The following SLIT3 variants were observed in gnomAD, a reference collection of about 807,000 sequenced individuals.
SLIT3 encodes slit homolog 3 protein.
Under a neutral mutation model 184.0 loss-of-function variants are expected in SLIT3, and 68 were observed. The ratio of observed to expected loss-of-function variants is 0.37; its 90% CI spans 0.30 to 0.45. The LOEUF (loss-of-function observed/expected upper bound fraction) is 0.45. Among genes scored for constraint, SLIT3 ranks in the 20% least tolerant of loss-of-function variants. SLIT3 has a pLI of 1.00. For synonymous variants in SLIT3, 831 were observed against 828.6 expected (o/e 1.00, Z -0.05); for missense variants, 1,707 against 2,026.0 (o/e 0.84, Z 3.02).
intron 5 of SLIT3, among the ~76,000 whole-genome samples, chr5:168,852,886 T>C (rs1274118926): frequency 6.6e-6 from 1 of 152,244 alleles, no homozygotes; most frequent in Non-Finnish European, 1.5e-5. Context: ...GTGTGTGCAC[T>C]CTGAAAATGT....
At chr5:169,250,208 C>T (rs946589150) in intron 2 of SLIT3, among the ~76,000 whole-genome samples, 6 of 152,148 alleles carry the variant, frequency 3.9e-5, no homozygotes, top group African/African-American at 1.4e-4. Context: ...TAATGCCCCA[C>T]CTTTTTGTTA....
chr5:169,131,516 C>G (rs974921616), intron 4 of SLIT3, among the ~76,000 whole-genome samples: 1 of 152,184 alleles, frequency 6.6e-6, no homozygotes, highest in Admixed American at 6.5e-5. Context: ...CCCTAAGTCC[C>G]TTTTATCTCT....
intron 4 of SLIT3, among the ~76,000 whole-genome samples, chr5:169,093,174 G>C (rs1005720768): frequency 1.3e-5 from 2 of 152,134 alleles, no homozygotes; most frequent in East Asian, 3.8e-4. Context: ...GATCTGGTGA[G>C]GTAAGTATTA....
chr5:169,216,298 G>A lies in SLIT3; in HGVS notation c.342-22748C>T, dbSNP rs908728626. On this transcript the variant is annotated intron_variant, in intron 3 of 35. Transcript: ENST00000519560. The stretch of plus-strand genomic sequence containing the variant: ...TCTCCAGGTCTGACACTGCTTTCCT[G>A]TGTCCAATGGATTCATCTCTGCTCT... Among the ~76,000 whole-genome samples the A allele has an allele frequency of 5.3e-5, 8 of 152,152 alleles. 1 individual carries two copies. Among genetic ancestry groups the A allele is most frequent in the African/African-American group, 1.9e-4 (8 of 41,442 alleles).
At chr5:168,776,450 A>G (rs17733068) in intron 12 of SLIT3, among the ~76,000 whole-genome samples, 31,137 of 152,158 alleles carry the variant, frequency 0.2, 3,538 homozygotes, top group East Asian at 0.38. Flanking sequence ...TTATTCTCAC[A>G]GGAACCTGGG....
chr5:168,891,676 G>A (rs1047274005), intron 4 of SLIT3, among the ~76,000 whole-genome samples: 1 of 152,192 alleles, frequency 6.6e-6, no homozygotes, highest in Non-Finnish European at 1.5e-5. Context: ...TCCCAGGGGA[G>A]CATTCTGACC....
At chr5:168,734,890 C>T (rs566473588) in intron 20 of SLIT3, among the ~76,000 whole-genome samples, 2 of 152,302 alleles carry the variant, frequency 1.3e-5, no homozygotes, top group African/African-American at 4.8e-5. Flanking sequence ...CATGATGGAG[C>T]CAAGCACAAG....
chr5:169,005,630 T>C (rs1755892674), intron 4 of SLIT3, among the ~76,000 whole-genome samples: 1 of 152,230 alleles, frequency 6.6e-6, no homozygotes, highest in African/African-American at 2.4e-5. Context: ...ATATCCCTAC[T>C]TTCATCTTTC....
chr5:168,826,405 G>A (rs1011302776), intron 6 of SLIT3, among the ~76,000 whole-genome samples: 1 of 152,242 alleles, frequency 6.6e-6, no homozygotes, highest in Admixed American at 6.5e-5. Flanking sequence ...TCCAGTCTTG[G>A]CAGCTTTTGC....
intron 1 of SLIT3, among the ~76,000 whole-genome samples, chr5:169,257,337 G>A (rs919534778): frequency 1.3e-5 from 2 of 151,444 alleles, no homozygotes; most frequent in South Asian, 2.1e-4. Flanking sequence ...TGAAACAGAG[G>A]CCTCTCCTCC....
At chr5:169,260,933 A>G (rs539830160) in intron 1 of SLIT3, among the ~76,000 whole-genome samples, 1 of 152,364 alleles carries the variant, frequency 6.6e-6, no homozygotes, top group African/African-American at 2.4e-5. Flanking sequence ...TAAAGGCCAG[A>G]TAGTAAATAA....
In SLIT3 at chr5:168,896,143, C is replaced by G. The variant is rs74975947; in HGVS notation, c.414-12807G>C. ...GTAACTCAACTCCTTGCCTTACATG[C>G]CTGCTAGAAGTCGTGCCTATGGCCA... On this transcript the variant is annotated intron_variant, in intron 4 of 35. Coordinates refer to ENST00000519560, the MANE Select transcript of SLIT3 (RefSeq NM_003062.4). Among the ~76,000 whole-genome samples, 661 of 152,290 alleles carry G rather than the reference C, an allele frequency of 4.3e-3. 2 individuals are homozygous for G. Among genetic ancestry groups the G allele is most frequent in the Non-Finnish European group, 7.2e-3 (493 of 68,030 alleles).
intron 4 of SLIT3, among the ~76,000 whole-genome samples, chr5:169,125,150 T>A (rs1030317141): frequency 1.3e-5 from 2 of 152,154 alleles, no homozygotes; most frequent in African/African-American, 4.8e-5. Context: ...CTGGTTCAAG[T>A]GATTCTCTTG....
chr5:168,932,024 A>G (rs1762000304), intron 4 of SLIT3, among the ~76,000 whole-genome samples: 1 of 152,146 alleles, frequency 6.6e-6, no homozygotes, highest in African/African-American at 2.4e-5. Flanking sequence ...TGTAGCCATC[A>G]CAAAGTCCCA....
At position 169,300,441 on chromosome 5, in the gene SLIT3, G is replaced by C; in HGVS notation, c.197+72C>G. 1 of 1,382,968 alleles carries C rather than the reference G, an allele frequency of 7.2e-7. No homozygotes were observed. Among genetic ancestry groups the C allele is most frequent in the African/African-American group, 1.5e-5 (1 of 66,000 alleles). 85.7% of individuals were successfully genotyped at this position (1,382,968 alleles called of 1,614,324 possible). On this transcript the variant is annotated intron_variant, in intron 1 of 35. Coordinates refer to ENST00000519560, the MANE Select transcript of SLIT3 (RefSeq NM_003062.4). The surrounding 1 kb of genome is among the most constrained non-coding windows in gnomAD (Gnocchi z 4.1). Reference sequence around the variant, plus strand: ...CCAGGGAGGCCGAGGGGAAAGGACGGATCTGGCGCCTGGGGCCCCCTCGGT... The same window carrying C: ...CCAGGGAGGCCGAGGGGAAAGGACGCATCTGGCGCCTGGGGCCCCCTCGGT...
intron 4 of SLIT3, among the ~76,000 whole-genome samples, chr5:168,957,673 A>G (rs1333781640): frequency 6.6e-6 from 1 of 152,196 alleles, no homozygotes; most frequent in Non-Finnish European, 1.5e-5. Context: ...GACAGCTTCC[A>G]GGCCCCACCC....
chr5:168,887,965 T>C (rs1207780002), intron 4 of SLIT3, among the ~76,000 whole-genome samples: 1 of 152,214 alleles, frequency 6.6e-6, no homozygotes, highest in Non-Finnish European at 1.5e-5. Context: ...TTAAAAAGTT[T>C]CTCTCCTCTG....
intron 4 of SLIT3, among the ~76,000 whole-genome samples, chr5:168,894,637 G>A (rs888944533): frequency 3.3e-5 from 5 of 152,204 alleles, no homozygotes; most frequent in South Asian, 2.1e-4. Context: ...AAGCTGAGGC[G>A]TGGGAATGAG....
chr5:169,056,204 C>G (rs984194705), intron 4 of SLIT3, among the ~76,000 whole-genome samples: 7 of 152,084 alleles, frequency 4.6e-5, no homozygotes, highest in South Asian at 2.1e-4. Flanking sequence ...AGGTTTGGAA[C>G]CTTTGCTATC....
Sources: gnomAD v4.1 joint callset for allele counts (sites outside exome capture counted in the v4.1 genomes callset) on GRCh38, gnomAD v4.1.1 for gene constraint, Gnocchi (gnomAD v3.1) non-coding constraint, MANE v1.5 for transcripts, NCBI Gene and HGNC (gene_info 2026-07-23, HGNC 2026-07-21) for gene names.